The following RTL4 variants were observed in gnomAD, a reference collection of about 807,000 sequenced individuals.
RTL4 encodes the protein retrotransposon Gag-like protein 4.
In RTL4, 4 loss-of-function variants were observed where a neutral mutation model predicts 5.3. The observed-to-expected ratio is 0.75, with a 90% CI of 0.37 to 1.72. The LOEUF (loss-of-function observed/expected upper bound fraction) is 1.72, where lower values mean the gene tolerates loss of function less well. RTL4 is among the 40% of genes most tolerant of loss of function. The pLI is 0.04. For missense variants in RTL4, 260 were observed against 227.1 expected (o/e 1.14, Z -0.93); for synonymous variants, 98 against 87.3 (o/e 1.12, Z -0.68).
At chrX:112,288,703 C>T in the RTL4 span, among the ~76,000 whole-genome samples, 1 of 111,605 alleles carries the variant, frequency 9.0e-6, no homozygotes, top group African/African-American at 3.3e-5. Flanking sequence ...TCTATACCAT[C>T]CTTATTCTGG....
At chrX:112,440,093 C>T in the RTL4 span, among the ~76,000 whole-genome samples, 1 of 111,638 alleles carries the variant, frequency 9.0e-6, no homozygotes, top group Admixed American at 9.5e-5. Flanking sequence ...GTTGCTACTA[C>T]GGGTGACAAA....
chrX:112,438,533 C>T, the RTL4 span, among the ~76,000 whole-genome samples: 29 of 112,612 alleles, frequency 2.6e-4, no homozygotes, highest in South Asian at 3.6e-4. Context: ...CTTGATCGTA[C>T]GCAGTGAGAC....
At chrX:112,337,236 T>C in the RTL4 span, among the ~76,000 whole-genome samples, 1 of 112,308 alleles carries the variant, frequency 8.9e-6, no homozygotes, top group Non-Finnish European at 1.9e-5. Context: ...AGTAGCTATC[T>C]TCTTTTTCAT....
the RTL4 span, among the ~76,000 whole-genome samples, chrX:112,173,278 C>A: frequency 9.0e-6 from 1 of 110,893 alleles, no homozygotes; most frequent in Non-Finnish European, 1.9e-5. Flanking sequence ...TTTAAAAATT[C>A]TATTGTTTCT....
At chrX:112,270,023 C>T in the RTL4 span, among the ~76,000 whole-genome samples, 6 of 112,278 alleles carry the variant, frequency 5.3e-5, no homozygotes, top group South Asian at 2.2e-3. Flanking sequence ...TTTATAATAT[C>T]ATTCAAGTCA....
At chrX:112,443,798 G>A in the RTL4 span, among the ~76,000 whole-genome samples, 16 of 111,001 alleles carry the variant, frequency 1.4e-4, no homozygotes, top group East Asian at 8.5e-4. Flanking sequence ...GATTTTTTTC[G>A]TAGAGTTGTT....
At chrX:112,326,914 C>T in the RTL4 span, among the ~76,000 whole-genome samples, 15 of 111,475 alleles carry the variant, frequency 1.3e-4, no homozygotes, top group East Asian at 1.1e-3. Flanking sequence ...CTCACACGGC[C>T]AGGTACTCCA....
the RTL4 span, among the ~76,000 whole-genome samples, chrX:112,169,028 C>CTTTA: frequency 4.9e-5 from 1 of 20,457 alleles, no homozygotes; most frequent in Admixed American, 9.4e-4. Flanking sequence ...TTCTCTTTCT[C>CTTTA]TTTCTTTCTT....
chrX:112,359,820 A>C, the RTL4 span, among the ~76,000 whole-genome samples: 3 of 111,208 alleles, frequency 2.7e-5, no homozygotes, highest in Non-Finnish European at 3.8e-5. Flanking sequence ...GCCACACACA[A>C]CACCACACAG....
At chrX:112,151,652 T>C in the RTL4 span, among the ~76,000 whole-genome samples, 2 of 112,256 alleles carry the variant, frequency 1.8e-5, no homozygotes, top group African/African-American at 3.2e-5. Flanking sequence ...AGAGATTTGA[T>C]GATGTTCAGT....
the RTL4 span, among the ~76,000 whole-genome samples, chrX:112,350,846 T>C: frequency 9.0e-6 from 1 of 111,203 alleles, no homozygotes; most frequent in Non-Finnish European, 1.9e-5. Flanking sequence ...TTTTGAAGGG[T>C]TTTTTGTGTC....
At chrX:112,352,182 G>A in the RTL4 span, among the ~76,000 whole-genome samples, 6 of 111,180 alleles carry the variant, frequency 5.4e-5, no homozygotes, top group Non-Finnish European at 9.4e-5. Context: ...CTTTAAGAAT[G>A]TTGAATATTG....
the RTL4 span, among the ~76,000 whole-genome samples, chrX:112,415,112 A>G: frequency 3.6e-4 from 40 of 111,772 alleles, no homozygotes; most frequent in Non-Finnish European, 6.2e-4. Context: ...AAATGCACAT[A>G]TAAGTATATA....
the RTL4 span, among the ~76,000 whole-genome samples, chrX:112,321,806 C>A: frequency 9.0e-6 from 1 of 111,128 alleles, no homozygotes; most frequent in Non-Finnish European, 1.9e-5. Context: ...ATCTTTGAAT[C>A]TAAATTCCAC....
the RTL4 span, among the ~76,000 whole-genome samples, chrX:112,313,326 G>A: frequency 9.0e-6 from 1 of 111,183 alleles, no homozygotes; most frequent in Admixed American, 9.7e-5. Flanking sequence ...AGGGTCCACA[G>A]TTGTGGTAGT....
chrX:112,267,120 A>G, the RTL4 span, among the ~76,000 whole-genome samples: 2 of 110,967 alleles, frequency 1.8e-5, no homozygotes, highest in Non-Finnish European at 3.8e-5. Context: ...CTTTCCCTTG[A>G]CCCCACTTGC....
chrX:112,320,521 A>T, the RTL4 span: 1 of 111,304 alleles, frequency 9.0e-6, no homozygotes, highest in East Asian at 2.8e-4. Context: ...AGAAGCTAGC[A>T]GAATGTTGAA....
chrX:112,438,389 C>T, the RTL4 span, among the ~76,000 whole-genome samples: 1 of 112,277 alleles, frequency 8.9e-6, no homozygotes. Flanking sequence ...AACAGTACTA[C>T]AGTTCCCAGC....
chrX:112,181,692 C>A, the RTL4 span, among the ~76,000 whole-genome samples: 6 of 112,003 alleles, frequency 5.4e-5, no homozygotes, highest in African/African-American at 1.9e-4. Context: ...CAGGGACTTA[C>A]AGATAAAATT....
Sources: allele counts gnomAD v4.1 joint callset (sites outside exome capture counted in the v4.1 genomes callset), GRCh38; gene constraint gnomAD v4.1.1; transcripts MANE v1.5; gene names NCBI Gene and HGNC (gene_info 2026-07-23, HGNC 2026-07-21).